The following LRBA variants were observed in gnomAD, a reference collection of about 807,000 sequenced individuals.
The protein encoded by LRBA is LPS responsive beige-like anchor protein, also known as lipopolysaccharide-responsive and beige-like anchor protein.
Under a neutral mutation model 330.0 loss-of-function variants are expected in LRBA, and 176 were observed. The ratio of observed to expected loss-of-function variants is 0.53; its 90% CI spans 0.47 to 0.60. The LOEUF (loss-of-function observed/expected upper bound fraction) is 0.60, where lower values mean the gene tolerates loss of function less well. Among genes scored for constraint, LRBA ranks in the 20% least tolerant of loss-of-function variants. The probability of loss-of-function intolerance (pLI) is 0.00; values close to 1 mark genes in which losing one functional copy is unlikely to be tolerated. For missense variants in LRBA, 3,259 were observed against 3,444.8 expected, an observed-to-expected ratio of 0.95 and a Z score of 1.35; for synonymous variants, 1,230 against 1,193.0, an observed-to-expected ratio of 1.03 and a Z score of -0.64.
chr4:150,891,871 G>C (rs1729507177), intron 17 of LRBA, among the ~76,000 whole-genome samples: 1 of 152,174 alleles, frequency 6.6e-6, no homozygotes, highest in Non-Finnish European at 1.5e-5. Flanking sequence ...ATCAATGTGT[G>C]TTTGAGCCTA....
chr4:150,740,173 C>T (rs1731761432), intron 35 of LRBA, among the ~76,000 whole-genome samples: 1 of 151,780 alleles, frequency 6.6e-6, no homozygotes, highest in Admixed American at 6.6e-5. Flanking sequence ...AACAATGTGC[C>T]AAAATCTGTG....
intron 42 of LRBA, among the ~76,000 whole-genome samples, chr4:150,473,447 G>A (rs1441342925): frequency 6.6e-6 from 1 of 152,212 alleles, no homozygotes; most frequent in Non-Finnish European, 1.5e-5. Context: ...TTTCCAGAGA[G>A]ATTAGTACTT....
intron 9 of LRBA, among the ~76,000 whole-genome samples, chr4:150,912,396 T>C (rs1732104384): frequency 6.6e-6 from 1 of 152,202 alleles, no homozygotes; most frequent in Non-Finnish European, 1.5e-5. Context: ...GTGCTCCTTA[T>C]GAGAATATAA....
intron 47 of LRBA, among the ~76,000 whole-genome samples, chr4:150,350,704 A>T (rs1429708936): frequency 6.6e-6 from 1 of 152,134 alleles, no homozygotes; most frequent in Non-Finnish European, 1.5e-5. Flanking sequence ...GTATTTTTCT[A>T]CCGTACTGAC....
intron 42 of LRBA, among the ~76,000 whole-genome samples, chr4:150,481,598 T>A (rs544208853): frequency 6.6e-6 from 1 of 152,150 alleles, no homozygotes; most frequent in Admixed American, 6.6e-5. Flanking sequence ...TAACCAATAA[T>A]CTGCTTTCTG....
chr4:150,388,209 G>C (rs1743366865), intron 47 of LRBA, among the ~76,000 whole-genome samples: 1 of 152,238 alleles, frequency 6.6e-6, no homozygotes, highest in South Asian at 2.1e-4. Flanking sequence ...TACTGGAACA[G>C]GGCTCCGCCC....
chr4:150,776,111 G>A (rs1239563221), intron 34 of LRBA, among the ~76,000 whole-genome samples: 1 of 152,084 alleles, frequency 6.6e-6, no homozygotes, highest in Non-Finnish European at 1.5e-5. Flanking sequence ...AGTACTCAAT[G>A]GTCGTCTTTC....
chr4:150,496,904 C>G (rs1406960349), intron 40 of LRBA, among the ~76,000 whole-genome samples: 2 of 151,988 alleles, frequency 1.3e-5, no homozygotes, highest in African/African-American at 4.8e-5. Flanking sequence ...ATTCATTAAG[C>G]AATAACACAA....
At chr4:150,501,716 T>TA (rs1760301605) in intron 40 of LRBA, among the ~76,000 whole-genome samples, 2 of 152,068 alleles carry the variant, frequency 1.3e-5, no homozygotes, top group Admixed American at 1.3e-4. Context: ...TAAAAATTTT[T>TA]AAAAATCAAA....
At chr4:150,266,795 T>C (rs1408411697) in intron 56 of LRBA, among the ~76,000 whole-genome samples, 1 of 152,048 alleles carries the variant, frequency 6.6e-6, no homozygotes, top group Non-Finnish European at 1.5e-5. Flanking sequence ...AAAAACATGA[T>C]CCAACTATAT....
chr4:150,476,215 C>T (rs939551548), intron 42 of LRBA, among the ~76,000 whole-genome samples: 1 of 152,142 alleles, frequency 6.6e-6, no homozygotes, highest in African/African-American at 2.4e-5. Context: ...GAATTTATTT[C>T]AGATATGGGT....
intron 37 of LRBA, among the ~76,000 whole-genome samples, chr4:150,663,657 T>C (rs1781323047): frequency 6.6e-6 from 1 of 152,024 alleles, no homozygotes; most frequent in South Asian, 2.1e-4. Context: ...ACCCTGGTAG[T>C]ATATATCAGG....
At chr4:150,274,857 A>G (rs1746557463) in intron 56 of LRBA, among the ~76,000 whole-genome samples, 1 of 152,194 alleles carries the variant, frequency 6.6e-6, no homozygotes, top group African/African-American at 2.4e-5. Context: ...CAGAGGTACA[A>G]AAAGGAGCTG....
chr4:150,854,308 A>G lies in LRBA; in HGVS notation c.2767-1365T>C, dbSNP rs558446257. 3.3e-5 allele frequency among the ~76,000 whole-genome samples: 5 copies of G among 152,360 alleles called. 1 individual carries two copies. The South Asian group carries it at 8.3e-4, about 25-fold the overall frequency. ...TAATATTTCAACAATAAATGCATGT[A>G]TTCCTCACTAAACAGTAAAATGACA... On this transcript the variant is annotated intron_variant, in intron 22 of 56. Transcript: ENST00000651943.
At chr4:150,915,008 T>C (rs576342373) in intron 8 of LRBA, among the ~76,000 whole-genome samples, 9 of 152,114 alleles carry the variant, frequency 5.9e-5, no homozygotes, top group Admixed American at 2.6e-4. Context: ...CCTAAGTCTG[T>C]CTGATTCAAG....
chr4:150,491,061 G>C (rs754005700), intron 40 of LRBA, 26 bp from the exon 41 acceptor site: 1 of 1,174,042 alleles, frequency 8.5e-7, no homozygotes, highest in Admixed American at 1.9e-5. Flanking sequence ...ATAATCCCAG[G>C]TAAGTAACAA....
In LRBA at chr4:150,265,419, T is replaced by C. The variant is rs1031955031; in HGVS notation, c.*303A>G. On this transcript the variant is annotated 3_prime_UTR_variant, in exon 57 of 57. Transcript: ENST00000651943. Reference sequence around the variant, plus strand: ...ATGGGAAATGTTCTTCATAATATTATAGCTGGAATAAGTGGTTTACTTGCT... The same window carrying C: ...ATGGGAAATGTTCTTCATAATATTACAGCTGGAATAAGTGGTTTACTTGCT... The C allele has an allele frequency of 1.3e-5, 3 of 230,524 alleles. No homozygotes were observed. Among genetic ancestry groups the C allele is most frequent in the Non-Finnish European group, 2.6e-5 (3 of 113,676 alleles). The allele number at this position is 230,524 out of a possible 1,614,324, so 14.3% of individuals were successfully genotyped here.
intron 40 of LRBA, among the ~76,000 whole-genome samples, chr4:150,494,365 T>A (rs928406802): frequency 1.3e-5 from 2 of 152,226 alleles, no homozygotes; most frequent in Non-Finnish European, 2.9e-5. Context: ...CTCTTTGATA[T>A]GTTAGGAATA....
chr4:150,894,145 A>G lies in LRBA; in HGVS notation c.2068-996T>C, dbSNP rs544277481. On this transcript the variant is annotated intron_variant, in intron 16 of 56. Coordinates refer to ENST00000651943, the MANE Select transcript of LRBA (RefSeq NM_001364905.1). The stretch of plus-strand genomic sequence containing the variant: ...AAGGGTTATTCTCTATTACAGAAAA[A>G]TATATTAGAGCTTCTAAAATGCTAC... Among the ~76,000 whole-genome samples, 4 of 152,328 alleles carry G rather than the reference A, an allele frequency of 2.6e-5. No individual in the cohort carries two copies. The East Asian group carries it at 5.8e-4, about 22-fold the overall frequency.
Sources: gnomAD v4.1 joint callset for allele counts (sites outside exome capture counted in the v4.1 genomes callset) on GRCh38, gnomAD v4.1.1 for gene constraint, MANE v1.5 for transcripts, NCBI Gene and HGNC (gene_info 2026-07-23, HGNC 2026-07-21) for gene names.